RIMBP2: variants seen among roughly 807,000 people sequenced by gnomAD.
The protein encoded by RIMBP2 is RIMS binding protein 2, also known as RIMS-binding protein 2.
In RIMBP2, 48 loss-of-function variants were observed where a neutral mutation model predicts 118.6. That is an observed-to-expected ratio of 0.40 (90% CI 0.32 to 0.51). The LOEUF (loss-of-function observed/expected upper bound fraction) is 0.51. RIMBP2 is among the 20% of genes least tolerant of loss of function. The pLI is 0.41. For missense variants in RIMBP2, 1,551 were observed against 1,768.3 expected, an observed-to-expected ratio of 0.88 and a Z score of 2.20; for synonymous variants, 762 against 742.9, an observed-to-expected ratio of 1.03 and a Z score of -0.42.
chr12:130,655,633 G>A (rs2063396368), intron 1 of RIMBP2, among the ~76,000 whole-genome samples: 1 of 152,194 alleles, frequency 6.6e-6, no homozygotes, highest in Non-Finnish European at 1.5e-5. Flanking sequence ...AAAATGTGTG[G>A]TTACTACACA....
intron 4 of RIMBP2, 56 bp downstream of exon 4, chr12:130,506,592 C>T: frequency 1.0e-6 from 1 of 985,258 alleles, no homozygotes; most frequent in Non-Finnish European, 1.2e-6. Flanking sequence ...CCCCTCCTTC[C>T]TCACACCGAC....
At chr12:130,462,559 G>A (rs1004039258) in intron 6 of RIMBP2, among the ~76,000 whole-genome samples, 20 of 152,230 alleles carry the variant, frequency 1.3e-4, no homozygotes, top group African/African-American at 4.6e-4. Flanking sequence ...ACCTTTGAAC[G>A]AGCAGGGTGT....
chr12:130,705,388 T>C (rs1418299995), intron 1 of RIMBP2, among the ~76,000 whole-genome samples: 2 of 152,162 alleles, frequency 1.3e-5, no homozygotes, highest in Non-Finnish European at 2.9e-5. Context: ...CGCCCTGTGC[T>C]TCCTAACGCA....
At chr12:130,498,299 G>C (rs1021843273) in intron 4 of RIMBP2, among the ~76,000 whole-genome samples, 1 of 152,242 alleles carries the variant, frequency 6.6e-6, no homozygotes, top group East Asian at 1.9e-4. Flanking sequence ...GAGGCAATCT[G>C]TCAACCCCTC....
chr12:130,604,949 G>A (rs963791417), intron 2 of RIMBP2, among the ~76,000 whole-genome samples: 3 of 151,622 alleles, frequency 2.0e-5, no homozygotes, highest in Admixed American at 6.6e-5. Context: ...TGTTCAGATA[G>A]ACACATACCT....
intron 1 of RIMBP2, among the ~76,000 whole-genome samples, chr12:130,629,992 A>AAG (rs2061891333): frequency 6.7e-6 from 1 of 149,732 alleles, no homozygotes; most frequent in Non-Finnish European, 1.5e-5. Context: ...AAAAAAAAAA[A>AAG]GCAACAAGTC....
chr12:130,409,446 G>A (rs889361935), intron 19 of RIMBP2, among the ~76,000 whole-genome samples: 1 of 145,884 alleles, frequency 6.9e-6, no homozygotes, highest in African/African-American at 2.5e-5. Flanking sequence ...GGGTTCATGC[G>A]ATTCTCCTGC....
intron 2 of RIMBP2, among the ~76,000 whole-genome samples, chr12:130,519,637 T>C (rs2051864946): frequency 6.6e-6 from 1 of 152,136 alleles, no homozygotes; most frequent in Admixed American, 6.5e-5. Flanking sequence ...ATGGGATGGG[T>C]GTACTAATCA....
chr12:130,546,086 T>C (rs2055117023), intron 2 of RIMBP2, among the ~76,000 whole-genome samples: 1 of 146,622 alleles, frequency 6.8e-6, no homozygotes, highest in Admixed American at 7.1e-5. Flanking sequence ...CAATTACAAA[T>C]ATCACTGCTT....
At chr12:130,667,982 C>T (rs4402337) in intron 1 of RIMBP2, 35,706 of 152,112 alleles carry the variant, frequency 0.23, 4,668 homozygotes, top group Non-Finnish European at 0.31. Flanking sequence ...TTGCTGAGTT[C>T]CCTGAGCCAT....
At chr12:130,647,035 G>C (rs939151167) in intron 1 of RIMBP2, among the ~76,000 whole-genome samples, 2 of 152,254 alleles carry the variant, frequency 1.3e-5, no homozygotes, top group African/African-American at 2.4e-5. Context: ...TAAGGGGCCT[G>C]TGGGTCCCCT....
chr12:130,570,673 T>C (rs549924057), intron 2 of RIMBP2, among the ~76,000 whole-genome samples: 203 of 152,296 alleles, frequency 1.3e-3, no homozygotes, highest in Non-Finnish European at 2.5e-3. Context: ...CTAGTCTGCC[T>C]GCTCCCCACC....
At chr12:130,452,892 T>C (rs2079117612) in intron 7 of RIMBP2, among the ~76,000 whole-genome samples, 1 of 152,146 alleles carries the variant, frequency 6.6e-6, no homozygotes, top group African/African-American at 2.4e-5. Flanking sequence ...CCCAACTCTC[T>C]AGGGAAAAAT....
intron 5 of RIMBP2, among the ~76,000 whole-genome samples, chr12:130,477,473 A>C (rs560069900): frequency 1.3e-5 from 2 of 152,194 alleles, no homozygotes; most frequent in African/African-American, 4.8e-5. Flanking sequence ...GCAGGAGAAC[A>C]TAAGAGTAAT....
Position 130,434,335 on chromosome 12 carries a change from T to C in RIMBP2, c.2253+399A>G, listed in dbSNP as rs1309462147. Among the ~76,000 whole-genome samples the C allele has an allele frequency of 6.6e-6, 1 of 152,140 alleles. No individual in the cohort carries two copies. Among genetic ancestry groups the C allele is most frequent in the African/African-American group, 2.4e-5 (1 of 41,436 alleles). ...TGAAGGACGAACACTGACTGTGTTA[T>C]TTTTGGCTCCCATGATGCCTCCCTA... On this transcript the variant is annotated intron_variant, in intron 14 of 22. Transcript: ENST00000690449. The surrounding 1 kb of genome is among the most constrained non-coding windows in gnomAD (Gnocchi z 5.7).
At chr12:130,650,225 A>T (rs1019320356) in intron 1 of RIMBP2, among the ~76,000 whole-genome samples, 2 of 152,100 alleles carry the variant, frequency 1.3e-5, no homozygotes, top group Admixed American at 1.3e-4. Context: ...CTTCATGTGC[A>T]GCGTGGTCCC....
At chr12:130,445,671 G>A (rs2137243635) in intron 9 of RIMBP2, among the ~76,000 whole-genome samples, 1 of 152,210 alleles carries the variant, frequency 6.6e-6, no homozygotes, top group East Asian at 1.9e-4. Context: ...ATACTATTTA[G>A]CAACCTGCTT....
chr12:130,680,670 A>G (rs1204102383), intron 1 of RIMBP2, among the ~76,000 whole-genome samples: 9 of 152,184 alleles, frequency 5.9e-5, no homozygotes, highest in Non-Finnish European at 1.2e-4. Flanking sequence ...CATTTCGGTT[A>G]TTGCAACTGG....
intron 2 of RIMBP2, among the ~76,000 whole-genome samples, chr12:130,607,657 A>C (rs1452911515): frequency 6.6e-6 from 1 of 152,018 alleles, no homozygotes; most frequent in Non-Finnish European, 1.5e-5. Context: ...AGAGCGAGTC[A>C]GACACAAATC....
Sources: allele counts gnomAD v4.1 joint callset (sites outside exome capture counted in the v4.1 genomes callset), GRCh38; gene constraint gnomAD v4.1.1; non-coding constraint Gnocchi (gnomAD v3.1); transcripts MANE v1.5; gene names NCBI Gene and HGNC (gene_info 2026-07-23, HGNC 2026-07-21).